The following RHCG variants were observed in gnomAD, a reference collection of about 807,000 sequenced individuals.
The protein encoded by RHCG is ammonium transporter Rh type C.
Under a neutral mutation model 55.3 loss-of-function variants are expected in RHCG, and 39 were observed. The observed-to-expected ratio is 0.70, with a 90% confidence interval of 0.55 to 0.92. The LOEUF (loss-of-function observed/expected upper bound fraction) is 0.92, where lower values mean the gene tolerates loss of function less well. Among genes scored for constraint, RHCG ranks in the 40% least tolerant of loss-of-function variants. The pLI is 0.00. For missense variants in RHCG, 635 were observed against 627.9 expected (o/e 1.01, Z -0.12); for synonymous variants, 250 against 246.8 (o/e 1.01, Z -0.12).
chr15:89,479,015 G>C (rs757521817), intron 5 of RHCG, among the ~76,000 whole-genome samples: 1 of 144,808 alleles, frequency 6.9e-6, no homozygotes, highest in Non-Finnish European at 1.5e-5. Context: ...CAAGAGAATT[G>C]CTTAAACTTG....
In RHCG at chr15:89,477,908, T is replaced by C. The variant is rs1241204531; in HGVS notation, c.904A>G (p.Met302Val). 1.9e-6 allele frequency: 3 copies of C among 1,613,896 alleles called. No homozygotes were observed. Among genetic ancestry groups the C allele is most frequent in the East Asian group, 4.5e-5 (2 of 44,880 alleles). ...AVGTAAEMML[M>V]PYGALIIGFV... ...CCGATGATGAGGGCACCGTAAGGCA[T>C]GAGCATCATCTCAGCAGCGGTACCC... Residue 302 changes from methionine (M) to valine (V), a missense_variant, in exon 6 of 11, where the codon ATG becomes GTG. Transcript: ENST00000268122. The surrounding 1 kb of genome is among the most constrained non-coding windows in gnomAD (Gnocchi z 4.5).
chr15:89,489,362 G>A (rs527817749), intron 1 of RHCG, among the ~76,000 whole-genome samples: 2 of 152,176 alleles, frequency 1.3e-5, no homozygotes, highest in Admixed American at 1.3e-4. Context: ...GGCCTCAAGT[G>A]ATCTGTCCAT....
In RHCG at chr15:89,472,794, G is replaced by T. The variant is rs749318601; in HGVS notation, c.1381C>A (p.Pro461Thr). The T allele has an allele frequency of 5.7e-6, 9 of 1,565,466 alleles. No homozygotes were observed. Among genetic ancestry groups the T allele is most frequent in the Non-Finnish European group, 7.8e-6 (9 of 1,154,712 alleles). Residue 461 changes from proline to threonine, a missense_variant, in exon 10 of 11, where the codon CCC becomes ACC. By Grantham distance (38) the Pro-to-Thr change is conservative. Transcript: ENST00000268122. ...AGTGGGGACACCATGGGTACTGAGG[G>T]TACTGAGGGTCCTGAGGGCTTGAAG... ...PTFKPSGPSV[P>T]SVPMVSPLPM...
At chr15:89,490,286 G>A (rs1292902953) in intron 1 of RHCG, among the ~76,000 whole-genome samples, 1 of 152,252 alleles carries the variant, frequency 6.6e-6, no homozygotes, top group African/African-American at 2.4e-5. Flanking sequence ...AGACCCCTCA[G>A]CTAGCAGCTA....
At chr15:89,479,096 T>C (rs1350283096) in intron 5 of RHCG, among the ~76,000 whole-genome samples, 1 of 121,922 alleles carries the variant, frequency 8.2e-6, no homozygotes, top group African/African-American at 6.4e-5. Flanking sequence ...CGAGACTCCA[T>C]CTCAAAAAAA....
chr15:89,483,019 C>A, intron 3 of RHCG, 48 bp downstream of exon 3: 1 of 1,506,646 alleles, frequency 6.6e-7, no homozygotes. Context: ...ACCCTGCTGT[C>A]CCCCAAAGCA....
chr15:89,493,354 C>T lies in RHCG; in HGVS notation c.184+3007G>A, dbSNP rs141109615. Among the ~76,000 whole-genome samples, 366 of 152,368 alleles carry T rather than the reference C, an allele frequency of 2.4e-3. 1 individual carries two copies. Among genetic ancestry groups the T allele is most frequent in the African/African-American group, 7.4e-3 (306 of 41,588 alleles). On this transcript the variant is annotated intron_variant, in intron 1 of 10. Transcript: ENST00000268122. Reference sequence around the variant, plus strand: ...GCTGCGTGCTTAGCAACCACAGCCACTGGCTGCATCACGGGCCTCCGAGGG... The same window carrying T: ...GCTGCGTGCTTAGCAACCACAGCCATTGGCTGCATCACGGGCCTCCGAGGG...
intron 1 of RHCG, among the ~76,000 whole-genome samples, chr15:89,491,487 C>G (rs149577603): frequency 4.6e-5 from 7 of 152,156 alleles, no homozygotes; most frequent in Non-Finnish European, 5.9e-5. Context: ...GATTTTTAGG[C>G]TGGGCGTGGT....
intron 1 of RHCG, 62 bp from the exon 2 acceptor site, chr15:89,487,047 C>G: frequency 6.9e-7 from 1 of 1,452,160 alleles, no homozygotes; most frequent in African/African-American, 1.4e-5. Flanking sequence ...AGCCCTGGGT[C>G]TGGGCCAGGA....
At position 89,477,280 on chromosome 15, in the gene RHCG, G is replaced by A; in HGVS notation, c.1113-74C>T. The stretch of plus-strand genomic sequence containing the variant: ...AACAGCTTGCTGCCACCCCAAAAAT[G>A]TGACCGGGTACCACGGGCCTCAGCC... On this transcript the variant is annotated intron_variant, in intron 7 of 10. Transcript: ENST00000268122. This position sits in a 1 kb window ranked among gnomAD's most constrained non-coding sequence, Gnocchi z 4.5. 6.3e-7 allele frequency: 1 copy of A among 1,588,920 alleles called. No homozygotes were observed. The highest frequency in any genetic ancestry group is 8.6e-7 in the Non-Finnish European group (1 of 1,162,292).
intron 5 of RHCG, 72 bp downstream of exon 5, chr15:89,479,250 G>A (rs1389347037): frequency 2.6e-6 from 4 of 1,509,838 alleles, no homozygotes; most frequent in East Asian, 2.3e-5. Context: ...CAGAGGTGTT[G>A]GCAAGGCATG....
rs1394226654 is a variant in RHCG at position 89,479,325 on chromosome 15, G to A, written c.834C>T (p.Asp278=). 1.2e-6 allele frequency: 2 copies of A among 1,613,006 alleles called. No individual in the cohort carries two copies. Among genetic ancestry groups the A allele is most frequent in the Non-Finnish European group, 1.7e-6 (2 of 1,179,494 alleles). Reference sequence around the variant, plus strand: ...CCCCCAACGCCCTCATGCTCACCATGTCCAGCTTGCCCTTCTTGTGCAGGG... The same window carrying A: ...CCCCCAACGCCCTCATGCTCACCATATCCAGCTTGCCCTTCTTGTGCAGGG... ...SSALHKKGKL[D]MVHIQNATLA... Residue 278 remains aspartate (D), a synonymous_variant, in exon 5 of 11, where the codon GAC becomes GAT. Coordinates refer to ENST00000268122, the MANE Select transcript of RHCG (RefSeq NM_016321.3).
intron 3 of RHCG, among the ~76,000 whole-genome samples, chr15:89,481,258 T>C (rs183025350): frequency 1.3e-5 from 2 of 152,302 alleles, no homozygotes; most frequent in African/African-American, 4.8e-5. Flanking sequence ...AAGACCAGCC[T>C]GGCTAACATG....
chr15:89,478,145 C>T (rs1961192622), intron 5 of RHCG, among the ~76,000 whole-genome samples, 171 bp from the exon 6 acceptor site: 1 of 152,232 alleles, frequency 6.6e-6, no homozygotes, highest in South Asian at 2.1e-4. Flanking sequence ...CAGCCCCACC[C>T]AGGCTTGCTA....
intron 1 of RHCG, among the ~76,000 whole-genome samples, chr15:89,488,962 AG>A (rs1292968112): frequency 1.3e-5 from 2 of 152,324 alleles, no homozygotes; most frequent in East Asian, 3.9e-4. Flanking sequence ...GGAATAGTTA[AG>A]GGTAGAGGGC....
Position 89,480,348 on chromosome 15 carries a change from C to T in RHCG, c.583G>A (p.Val195Met), listed in dbSNP as rs779033141. 1.9e-6 allele frequency: 3 copies of T among 1,614,226 alleles called. No individual in the cohort carries two copies. In the Admixed American group the frequency reaches 5.0e-5, roughly 27 times the overall value. Residue 195 changes from valine to methionine, a missense_variant, in exon 4 of 11, where the codon GTG (valine) becomes ATG (methionine). By Grantham distance (21) the Val-to-Met change is conservative (BLOSUM62 1). Transcript: ENST00000268122. ...HTFGAYFGLT[V>M]TRILYRRNLE... ...TTGCGTCGGTAGAGGATCCGGGTCA[C>T]TGTGAGCCCAAAGTAGGCGCCAAAT... is the stretch of plus-strand genomic sequence containing the variant.
chr15:89,472,688 C>T, intron 10 of RHCG, 23 bp downstream of exon 10: 1 of 1,597,720 alleles, frequency 6.3e-7, no homozygotes. Flanking sequence ...CCCTGTCATC[C>T]CCCAAGCCAA....
chr15:89,496,452 G>A lies in RHCG; in HGVS notation c.93C>T (p.Arg31=). The change falls in exon 1 of 11, where the codon CGC becomes CGT. Residue 31 remains arginine, a synonymous_variant. Transcript: ENST00000268122. The part of the protein sequence containing the change: ...IMVILFGVFV[R]YDFEADAHWW... ...AGTGGGCGTCGGCCTCGAAGTCGTA[G>A]CGCACGAACACCCCGAAGAGAATCA... 1 of 1,614,060 alleles carries A rather than the reference G, an allele frequency of 6.2e-7. No homozygotes were observed. Among genetic ancestry groups the A allele is most frequent in the Non-Finnish European group, 8.5e-7 (1 of 1,179,966 alleles).
chr15:89,480,494 C>T, intron 3 of RHCG, 86 bp from the exon 4 acceptor site: 1 of 1,487,482 alleles, frequency 6.7e-7, no homozygotes, highest in South Asian at 1.3e-5. Flanking sequence ...CACACACACG[C>T]CCAGAGCTCC....
Sources: allele counts gnomAD v4.1 joint callset (sites outside exome capture counted in the v4.1 genomes callset), GRCh38; gene constraint gnomAD v4.1.1; non-coding constraint Gnocchi (gnomAD v3.1); transcripts MANE v1.5; gene names NCBI Gene and HGNC (gene_info 2026-07-23, HGNC 2026-07-21).